Variants in GRM4 observed in about 807,000 individuals in gnomAD.
GRM4 encodes metabotropic glutamate receptor 4.
A neutral mutation model predicts 81.7 loss-of-function variants in GRM4; 28 were observed. That is an observed-to-expected ratio of 0.34 (90% CI 0.25 to 0.47). GRM4 has a LOEUF of 0.47. Among genes scored for constraint, GRM4 ranks in the 20% least tolerant of loss-of-function variants. The pLI is 1.00. For missense variants in GRM4, 948 were observed against 1,290.0 expected (o/e 0.73, Z 4.06); for synonymous variants, 488 against 528.8 (o/e 0.92, Z 1.06).
At chr6:34,098,784 A>T (rs1362155349) in intron 2 of GRM4, among the ~76,000 whole-genome samples, 2 of 152,218 alleles carry the variant, frequency 1.3e-5, no homozygotes, top group Non-Finnish European at 2.9e-5. Context: ...CTGGCTTCCA[A>T]AGGCCTTGCC....
intron 2 of GRM4, among the ~76,000 whole-genome samples, chr6:34,125,422 G>A (rs915006080): frequency 7.9e-5 from 12 of 152,124 alleles, no homozygotes; most frequent in South Asian, 4.1e-4. Flanking sequence ...CCAAGGACTC[G>A]AGGCATCTGG....
chr6:34,040,021 CT>C (rs1764918385), intron 8 of GRM4, among the ~76,000 whole-genome samples, 156 bp downstream of exon 8: 1 of 152,234 alleles, frequency 6.6e-6, no homozygotes. Flanking sequence ...CTCAGAGCCG[CT>C]GAGGTCTGGG....
At chr6:34,118,798 C>A (rs1435890942) in intron 2 of GRM4, among the ~76,000 whole-genome samples, 3 of 152,114 alleles carry the variant, frequency 2.0e-5, no homozygotes, top group African/African-American at 7.2e-5. Context: ...GGAAAGCAAA[C>A]AAAAGCAAAG....
rs1768061609 is a variant in GRM4 at position 34,089,137 on chromosome 6, T to G, written c.736+2746A>C. ...CCAGCACACAGTTGGCACCCAGGAC[T>G]CACTCACCACACTTCCAACATGCAT... On this transcript the variant is annotated intron_variant, in intron 3 of 10. Transcript: ENST00000538487. The surrounding 1 kb of genome is among the most constrained non-coding windows in gnomAD (Gnocchi z 4.3). 6.6e-6 allele frequency among the ~76,000 whole-genome samples: 1 copy of G among 152,106 alleles called. No homozygotes were observed. The highest frequency in any genetic ancestry group is 2.1e-4 in the South Asian group (1 of 4,814).
In GRM4 at chr6:34,097,994, T is replaced by C. The variant is rs150166782; in HGVS notation, c.520-5895A>G. On this transcript the variant is annotated intron_variant, in intron 2 of 10. Coordinates refer to ENST00000538487, the MANE Select transcript of GRM4 (RefSeq NM_000841.4). ...CCTAATGCTTGGCACAGCACGTAAGTGTCCAGCACCCATCGGAGCCGCCCT... is the reference window on the plus strand; with the variant it reads ...CCTAATGCTTGGCACAGCACGTAAGCGTCCAGCACCCATCGGAGCCGCCCT... Among the ~76,000 whole-genome samples, 846 of 152,318 alleles carry C rather than the reference T, an allele frequency of 5.6e-3. 9 individuals are homozygous for C. Among genetic ancestry groups the C allele is most frequent in the Middle Eastern group, 0.014 (4 of 294 alleles).
At chr6:34,052,209 C>T (rs955158371) in intron 6 of GRM4, among the ~76,000 whole-genome samples, 2 of 152,230 alleles carry the variant, frequency 1.3e-5, no homozygotes, top group Admixed American at 6.5e-5. Context: ...GGCTCCCTCT[C>T]GCTCTCTGTG....
intron 6 of GRM4, among the ~76,000 whole-genome samples, chr6:34,049,709 G>C (rs1472412761): frequency 6.6e-6 from 1 of 152,082 alleles, no homozygotes; most frequent in Non-Finnish European, 1.5e-5. Context: ...TTCCAGCAGA[G>C]AATGCTGAAG....
chr6:34,048,120 C>T lies in GRM4; in HGVS notation c.1169-7372G>A, dbSNP rs1765440788. On this transcript the variant is annotated intron_variant, in intron 6 of 10. Coordinates refer to ENST00000538487, the MANE Select transcript of GRM4 (RefSeq NM_000841.4). The surrounding 1 kb of genome is among the most constrained non-coding windows in gnomAD (Gnocchi z 4.0). ...AGACTTTAAGAATCCTCACGGCACT[C>T]CTGTGTCCCTGCGAATCTGGCCTCA... 6.6e-6 allele frequency among the ~76,000 whole-genome samples: 1 copy of T among 152,186 alleles called. No individual in the cohort carries two copies. Among genetic ancestry groups the T allele is most frequent in the South Asian group, 2.1e-4 (1 of 4,826 alleles).
chr6:34,092,018 A>G lies in GRM4; in HGVS notation c.601T>C (p.Ser201Pro), dbSNP rs1405806242. The stretch of plus-strand genomic sequence containing the variant: ...ATGGCCTGGGCCTGGTACGTGTCCG[A>G]GGGCACCACGCGGGAGAAGAAGTCG... ...RYDFFSRVVP[S>P]DTYQAQAMVD... Residue 201 changes from serine (S) to proline (P), a missense_variant, in exon 3 of 11, where the codon TCG (serine) becomes CCG (proline). Ser to Pro is a moderately conservative substitution (Grantham distance 74). Coordinates refer to ENST00000538487, the MANE Select transcript of GRM4 (RefSeq NM_000841.4). The surrounding 1 kb of genome is among the most constrained non-coding windows in gnomAD (Gnocchi z 6.8). The G allele has an allele frequency of 1.2e-6, 2 of 1,613,904 alleles. No homozygotes were observed. Among genetic ancestry groups the G allele is most frequent in the Non-Finnish European group, 1.7e-6 (2 of 1,179,904 alleles).
chr6:34,138,920 T>G (rs1770571189), intron 1 of GRM4, among the ~76,000 whole-genome samples: 1 of 152,172 alleles, frequency 6.6e-6, no homozygotes, highest in South Asian at 2.1e-4. Flanking sequence ...CAGGACTGAT[T>G]CTAATGGTGG....
upstream of GRM4, among the ~76,000 whole-genome samples, chr6:34,147,974 G>C (rs1770972992): frequency 6.6e-6 from 1 of 152,206 alleles, no homozygotes; most frequent in South Asian, 2.1e-4. Context: ...TTTATTGAGA[G>C]ATAAAACAAA....
chr6:34,098,279 G>A (rs1284505856), intron 2 of GRM4, among the ~76,000 whole-genome samples: 1 of 152,238 alleles, frequency 6.6e-6, no homozygotes, highest in South Asian at 2.1e-4. Context: ...GAGGCTTGGA[G>A]AGATGATAGT....
chr6:34,127,446 G>A (rs553530422), intron 2 of GRM4, among the ~76,000 whole-genome samples: 8 of 152,318 alleles, frequency 5.3e-5, no homozygotes, highest in African/African-American at 1.4e-4. Context: ...AGAGACAAAG[G>A]GACATCAGGG....
Position 34,114,073 on chromosome 6 carries a change from C to T in GRM4, c.519+18905G>A, listed in dbSNP as rs772950533. Among the ~76,000 whole-genome samples the T allele has an allele frequency of 1.3e-5, 2 of 152,128 alleles. No homozygotes were observed. The highest frequency in any genetic ancestry group is 2.4e-5 in the African/African-American group (1 of 41,416). On this transcript the variant is annotated intron_variant, in intron 2 of 10. Transcript: ENST00000538487. The surrounding 1 kb of genome is among the most constrained non-coding windows in gnomAD (Gnocchi z 4.3). ...TCACCTGGGTCTGTGTTCCAAAGTC[C>T]CCTCCCCAGGTCTTCCCTGACTGCC...
chr6:34,083,937 C>T (rs1185737885), intron 3 of GRM4, among the ~76,000 whole-genome samples: 1 of 152,166 alleles, frequency 6.6e-6, no homozygotes, highest in African/African-American at 2.4e-5. Flanking sequence ...ATTCCTGAAC[C>T]GAAACGCCAA....
intron 3 of GRM4, among the ~76,000 whole-genome samples, chr6:34,075,819 C>T (rs557126492): frequency 4.6e-5 from 7 of 152,296 alleles, no homozygotes; most frequent in South Asian, 2.1e-4. Flanking sequence ...GCCCATGAGC[C>T]GCTTCAAGGG....
chr6:34,153,925 CA>C (rs3041982), intron 1 of GRM4, among the ~76,000 whole-genome samples: 2,539 of 129,420 alleles, frequency 0.02, 49 homozygotes, highest in African/African-American at 0.061. Flanking sequence ...GACTCTGTCT[CA>C]AAAAAAAAAA....
At chr6:34,146,123 C>A, upstream of GRM4, 11 of 985,552 alleles carry the variant, frequency 1.1e-5, no homozygotes, top group Non-Finnish European at 1.3e-5. Context: ...GCTACTCCCA[C>A]CCTGGTGCGT....
In GRM4 at chr6:34,133,129, A is replaced by G; in HGVS notation, c.368T>C (p.Val123Ala). 1 of 1,614,042 alleles carries G rather than the reference A, an allele frequency of 6.2e-7. No individual in the cohort carries two copies. Residue 123 changes from valine to alanine, a missense_variant, in exon 2 of 11, where the codon GTG (valine) becomes GCG (alanine). Physicochemically the swap from Val to Ala is moderately conservative, Grantham distance 64. Transcript: ENST00000538487. This position sits in a 1 kb window ranked among gnomAD's most constrained non-coding sequence, Gnocchi z 6.5. ...GCCATCCTTCTCGATGAGCGCCTGC[A>G]CAAAGGTCAGCGACTGCTCGAGGGC... ...THALEQSLTF[V>A]QALIEKDGTE...
Sources: gnomAD v4.1 joint callset for allele counts (sites outside exome capture counted in the v4.1 genomes callset) on GRCh38, gnomAD v4.1.1 for gene constraint, Gnocchi (gnomAD v3.1) non-coding constraint, MANE v1.5 for transcripts, NCBI Gene and HGNC (gene_info 2026-07-23, HGNC 2026-07-21) for gene names.